The following RHBDD1 variants were observed in gnomAD, a reference collection of about 807,000 sequenced individuals.
RHBDD1 encodes the protein rhomboid domain containing 1.
RHBDD1 carries 38 observed loss-of-function variants against 36.3 expected under a neutral mutation model. The ratio of observed to expected loss-of-function variants is 1.05; its 90% CI spans 0.81 to 1.37. The LOEUF (loss-of-function observed/expected upper bound fraction) is 1.37. RHBDD1 is among the 40% of genes most tolerant of loss of function. The pLI, the probability that RHBDD1 is intolerant of heterozygous loss-of-function variation, is 0.00. For synonymous variants in RHBDD1, 151 were observed against 136.5 expected, an observed-to-expected ratio of 1.11 and a Z score of -0.74; for missense variants, 393 against 377.6, an observed-to-expected ratio of 1.04 and a Z score of -0.34.
At chr2:226,986,033 G>C (rs1956863399) in intron 8 of RHBDD1, among the ~76,000 whole-genome samples, 1 of 152,244 alleles carries the variant, frequency 6.6e-6, no homozygotes, top group Admixed American at 6.5e-5. Context: ...ACAGCACGTT[G>C]ATATGTGATG....
intron 8 of RHBDD1, among the ~76,000 whole-genome samples, chr2:226,969,726 T>C (rs1240418316): frequency 6.6e-6 from 1 of 152,234 alleles, no homozygotes; most frequent in East Asian, 1.9e-4. Flanking sequence ...TGTTCCTGAG[T>C]CACTTATGCC....
At chr2:226,883,158 C>T (rs1312007495) in intron 5 of RHBDD1, among the ~76,000 whole-genome samples, 4 of 152,228 alleles carry the variant, frequency 2.6e-5, no homozygotes, top group African/African-American at 9.6e-5. Context: ...GTTATAAAAT[C>T]ATTCCTGAAC....
intron 5 of RHBDD1, among the ~76,000 whole-genome samples, chr2:226,870,220 T>C (rs1944677127): frequency 6.6e-6 from 1 of 152,210 alleles, no homozygotes; most frequent in African/African-American, 2.4e-5. Context: ...TAATGGGCTA[T>C]TACTTACCTT....
At chr2:226,824,862 G>A in the RHBDD1 span, among the ~76,000 whole-genome samples, 12 of 152,128 alleles carry the variant, frequency 7.9e-5, 1 homozygote, top group Admixed American at 6.6e-4. Flanking sequence ...AGTAAGCAGT[G>A]GCAGAGATAC....
At chr2:226,855,831 G>A (rs937316012) in intron 3 of RHBDD1, among the ~76,000 whole-genome samples, 6 of 152,098 alleles carry the variant, frequency 3.9e-5, no homozygotes, top group Non-Finnish European at 8.8e-5. Context: ...AATATAATTT[G>A]ATTCCAGTTT....
At chr2:226,871,240 AT>A (rs1346730742) in intron 5 of RHBDD1, among the ~76,000 whole-genome samples, 16 of 152,126 alleles carry the variant, frequency 1.1e-4, no homozygotes, top group Admixed American at 1.0e-3. Context: ...GTTTTCAAAA[AT>A]ATTTATAAAT....
At chr2:226,962,103 T>G (rs563902195) in intron 8 of RHBDD1, among the ~76,000 whole-genome samples, 4 of 152,328 alleles carry the variant, frequency 2.6e-5, no homozygotes, top group African/African-American at 9.6e-5. Flanking sequence ...AGCTACTCTT[T>G]CCAGTAACCT....
intron 5 of RHBDD1, among the ~76,000 whole-genome samples, chr2:226,874,961 G>A (rs886360689): frequency 2.0e-5 from 3 of 152,172 alleles, no homozygotes; most frequent in African/African-American, 7.2e-5. Context: ...AAATCACATA[G>A]TATCTATTGT....
chr2:226,978,871 A>T (rs144589890), intron 8 of RHBDD1, among the ~76,000 whole-genome samples: 4 of 152,220 alleles, frequency 2.6e-5, no homozygotes, highest in African/African-American at 9.6e-5. Flanking sequence ...GTTTTTGAAA[A>T]GCTCTCCCAG....
In RHBDD1 at chr2:226,995,030, C is replaced by G. The variant is rs188860223; in HGVS notation, c.857-401C>G. 2.0e-3 allele frequency among the ~76,000 whole-genome samples: 310 copies of G among 151,642 alleles called. 1 individual carries two copies. The highest frequency in any genetic ancestry group is 6.9e-3 in the African/African-American group (287 of 41,296). On this transcript the variant is annotated intron_variant, in intron 8 of 8. Transcript: ENST00000392062. ...AGAAAAGGAGCACCCAAAGGCTGAT[C>G]AGAAGAAGCCAAACCAGCCTAGTTG...
At chr2:226,822,296 A>G in the RHBDD1 span, among the ~76,000 whole-genome samples, 1 of 152,070 alleles carries the variant, frequency 6.6e-6, no homozygotes, top group African/African-American at 2.4e-5. Flanking sequence ...TATTTAGTCA[A>G]ATGAATTTAA....
intron 5 of RHBDD1, among the ~76,000 whole-genome samples, chr2:226,874,602 C>T (rs1407015320): frequency 6.6e-6 from 1 of 152,134 alleles, no homozygotes; most frequent in African/African-American, 2.4e-5. Flanking sequence ...TCTCCTTTTT[C>T]TATCTGTGTT....
the RHBDD1 span, chr2:226,808,574 GT>G: frequency 6.6e-6 from 1 of 152,172 alleles, no homozygotes; most frequent in Non-Finnish European, 1.5e-5. Context: ...ATCAACTAGA[GT>G]ACTTACATCC....
At position 226,914,235 on chromosome 2, in the gene RHBDD1, C is replaced by A. The variant is rs143313030; in HGVS notation, c.740C>A (p.Pro247Gln). 4 of 1,613,666 alleles carry A rather than the reference C, an allele frequency of 2.5e-6. No individual in the cohort carries two copies. Among genetic ancestry groups the A allele is most frequent in the Non-Finnish European group, 3.4e-6 (4 of 1,179,742 alleles). ...AGCTCTGGATATCAGGATTATTATC[C>A]GCATGGCAGGCCAGATCACTATGAA... is the stretch of plus-strand genomic sequence containing the variant. ...SGSSGYQDYYPHGRPDHYEEA... is the reference protein window; with the variant it reads ...SGSSGYQDYYQHGRPDHYEEA... Residue 247 changes from proline to glutamine, a missense_variant, in exon 8 of 9, where the codon CCG becomes CAG. Coordinates refer to ENST00000392062, the MANE Select transcript of RHBDD1 (RefSeq NM_001167608.3).
chr2:226,866,146 C>G (rs1405745729), intron 4 of RHBDD1, among the ~76,000 whole-genome samples: 2 of 152,168 alleles, frequency 1.3e-5, no homozygotes, highest in African/African-American at 4.8e-5. Flanking sequence ...TCTCGGCTCA[C>G]TGCAACCTCC....
At chr2:226,927,866 A>G (rs1949768823) in intron 8 of RHBDD1, among the ~76,000 whole-genome samples, 1 of 152,150 alleles carries the variant, frequency 6.6e-6, no homozygotes, top group Non-Finnish European at 1.5e-5. Context: ...TTCATAAGAT[A>G]GGTGATTTGC....
At chr2:226,898,942 G>A (rs1947357940) in intron 5 of RHBDD1, among the ~76,000 whole-genome samples, 1 of 152,108 alleles carries the variant, frequency 6.6e-6, no homozygotes, top group Non-Finnish European at 1.5e-5. Context: ...TCCTTAATGA[G>A]GTCATTTGCT....
At chr2:226,977,028 G>A (rs188385593) in intron 8 of RHBDD1, among the ~76,000 whole-genome samples, 7 of 152,330 alleles carry the variant, frequency 4.6e-5, no homozygotes, top group Admixed American at 3.3e-4. Flanking sequence ...TTCAGGCTGG[G>A]ATAAGGCTGG....
chr2:226,850,087 A>G (rs1335837320), intron 3 of RHBDD1, among the ~76,000 whole-genome samples: 2 of 152,202 alleles, frequency 1.3e-5, no homozygotes, highest in African/African-American at 4.8e-5. Flanking sequence ...GAAGGGCTGC[A>G]TTTGTTAAGG....
Sources: gnomAD v4.1 joint callset for allele counts (sites outside exome capture counted in the v4.1 genomes callset) on GRCh38, gnomAD v4.1.1 for gene constraint, MANE v1.5 for transcripts, NCBI Gene and HGNC (gene_info 2026-07-23, HGNC 2026-07-21) for gene names.